WDR27: variants seen among roughly 807,000 people sequenced by gnomAD.
The protein encoded by WDR27 is WD repeat-containing protein 27.
Under a neutral mutation model 114.4 loss-of-function variants are expected in WDR27, and 100 were observed. The ratio of observed to expected loss-of-function variants is 0.87; its 90% CI spans 0.74 to 1.03. The LOEUF is 1.03. Among genes scored for constraint, WDR27 ranks in the 50% least tolerant of loss-of-function variants. The pLI is 0.00. For synonymous variants in WDR27, 449 were observed against 423.1 expected, an observed-to-expected ratio of 1.06 and a Z score of -0.75; for missense variants, 1,129 against 1,092.9, an observed-to-expected ratio of 1.03 and a Z score of -0.47.
downstream of WDR27, among the ~76,000 whole-genome samples, chr6:169,453,169 A>G (rs1784225306): frequency 6.6e-6 from 1 of 152,210 alleles, no homozygotes; most frequent in African/African-American, 2.4e-5. Context: ...AAAACAAAAC[A>G]TCTTCCTCCA....
rs77451257 is a variant in WDR27, at chr6:169,582,954, G to A, written c.2425-20C>T. 2.5e-6 allele frequency: 4 copies of A among 1,610,010 alleles called. No individual in the cohort carries two copies. The African/African-American group carries it at 4.0e-5, about 16-fold the overall frequency. On this transcript the variant is annotated intron_variant, in intron 23 of 25. Coordinates refer to ENST00000448612, the MANE Select transcript of WDR27 (RefSeq NM_182552.5). ...GTAAGCCTACAAGACAAGATGAGCAGGTGTGCCATGTTAACTCAGAGTCAG... is the reference window on the plus strand; with the variant it reads ...GTAAGCCTACAAGACAAGATGAGCAAGTGTGCCATGTTAACTCAGAGTCAG...
chr6:169,434,646 G>A, the WDR27 span, among the ~76,000 whole-genome samples: 1 of 152,134 alleles, frequency 6.6e-6, no homozygotes, highest in East Asian at 1.9e-4. Flanking sequence ...GTGGAACTTT[G>A]AAGTTGAGAG....
chr6:169,444,248 G>A, the WDR27 span, among the ~76,000 whole-genome samples: 1 of 152,116 alleles, frequency 6.6e-6, no homozygotes. Flanking sequence ...TCCATCACCT[G>A]CCCACCCTCT....
At chr6:169,462,500 GA>G (rs1785044962) in intron 25 of WDR27, among the ~76,000 whole-genome samples, 1 of 151,988 alleles carries the variant, frequency 6.6e-6, no homozygotes, top group African/African-American at 2.4e-5. Flanking sequence ...GAGAAAGAAA[GA>G]AAGAAAGAAA....
At chr6:169,569,407 G>A (rs1801009141) in intron 25 of WDR27, among the ~76,000 whole-genome samples, 1 of 152,140 alleles carries the variant, frequency 6.6e-6, no homozygotes, top group South Asian at 2.1e-4. Flanking sequence ...CAGGCAATGA[G>A]TTAAAGTTAC....
At chr6:169,538,173 T>C (rs9478047) in intron 25 of WDR27, among the ~76,000 whole-genome samples, 214 of 152,248 alleles carry the variant, frequency 1.4e-3, no homozygotes, top group African/African-American at 5.0e-3. Context: ...TGTTCAAATT[T>C]GAACATTAAG....
chr6:169,476,683 G>A (rs747617233), intron 25 of WDR27, among the ~76,000 whole-genome samples: 102 of 151,740 alleles, frequency 6.7e-4, no homozygotes, highest in Non-Finnish European at 1.0e-3. Flanking sequence ...TTTTTTTTTA[G>A]TTAAGTTCCT....
rs1818317365 is a variant in WDR27, at chr6:169,638,585, GT to G, written c.1822del (p.Thr608ProfsTer33). 6.2e-7 allele frequency: 1 copy of G among 1,610,156 alleles called. No individual in the cohort carries two copies. Among genetic ancestry groups the G allele is most frequent in the Non-Finnish European group, 8.5e-7 (1 of 1,178,622 alleles). ...CCCACGAGCCGACCACATTCGCAGG[GT>G]CCCGTCCCGGGCCGCAGAGAGCAGC... is the stretch of plus-strand genomic sequence containing the variant. ...RWLLSAARDG[T>X]LRMWSARGAE... On this transcript the variant is annotated frameshift_variant, in exon 18 of 26. Coordinates refer to ENST00000448612, the MANE Select transcript of WDR27 (RefSeq NM_182552.5). LOFTEE classifies it high-confidence loss of function.
chr6:169,619,841 G>C (rs1165626457), intron 21 of WDR27, among the ~76,000 whole-genome samples: 2 of 152,152 alleles, frequency 1.3e-5, no homozygotes, highest in African/African-American at 2.4e-5. Flanking sequence ...GGGAGGGCCT[G>C]GAAGAAAGAG....
At chr6:169,539,508 C>A (rs1796587639) in intron 25 of WDR27, among the ~76,000 whole-genome samples, 1 of 152,064 alleles carries the variant, frequency 6.6e-6, no homozygotes, top group African/African-American at 2.4e-5. Context: ...CACCACCATC[C>A]CTTACTTAAA....
chr6:169,490,962 A>C (rs1192465264), intron 25 of WDR27, among the ~76,000 whole-genome samples: 1 of 152,190 alleles, frequency 6.6e-6, no homozygotes, highest in Non-Finnish European at 1.5e-5. Flanking sequence ...CCCTACTTTC[A>C]GCCATCCGTA....
intron 17 of WDR27, among the ~76,000 whole-genome samples, chr6:169,640,825 CTG>C (rs1483075300): frequency 1.3e-5 from 2 of 152,264 alleles, no homozygotes; most frequent in African/African-American, 4.8e-5. Flanking sequence ...CACTGCCTGG[CTG>C]CAAGAGGCCG....
the WDR27 span, among the ~76,000 whole-genome samples, chr6:169,445,327 A>C: frequency 5.9e-5 from 9 of 152,126 alleles, no homozygotes; most frequent in East Asian, 1.7e-3. Flanking sequence ...TAATAAATAC[A>C]CAGAGGAGAC....
At chr6:169,661,628 G>A (rs919564290) in intron 9 of WDR27, among the ~76,000 whole-genome samples, 2 of 152,268 alleles carry the variant, frequency 1.3e-5, no homozygotes, top group Middle Eastern at 3.4e-3. Flanking sequence ...GGTAAGCCAG[G>A]GAAGCCTCAA....
chr6:169,429,198 TC>T, the WDR27 span, among the ~76,000 whole-genome samples: 3 of 152,126 alleles, frequency 2.0e-5, no homozygotes, highest in Non-Finnish European at 4.4e-5. Flanking sequence ...TTTGGCTTTG[TC>T]CTGTCCACAG....
Position 169,582,883 on chromosome 6 carries a change from G to C in WDR27, c.2476C>G (p.His826Asp). Residue 826 changes from histidine (H) to aspartate (D), a missense_variant, in exon 24 of 26, where the codon CAC becomes GAC. Transcript: ENST00000448612. ...SSTFSHRLAG[H>D]TDTVTGVAFN... ...GCCACTCCAGTGACAGTGTCTGTGT[G>C]CCCAGCCAGCCGGTGAGAAAACGTG... The C allele has an allele frequency of 6.2e-7, 1 of 1,613,894 alleles. No individual in the cohort carries two copies. The highest frequency in any genetic ancestry group is 1.6e-4 in the Middle Eastern group (1 of 6,062).
chr6:169,442,514 C>A, the WDR27 span, among the ~76,000 whole-genome samples: 1 of 152,134 alleles, frequency 6.6e-6, no homozygotes, highest in Admixed American at 6.5e-5. Context: ...TCCTTATTTC[C>A]TTAAGATCTT....
chr6:169,485,890 T>C (rs1441709870), intron 25 of WDR27, among the ~76,000 whole-genome samples: 2 of 152,186 alleles, frequency 1.3e-5, no homozygotes, highest in Non-Finnish European at 1.5e-5. Context: ...CCATTATCCT[T>C]AGCAAACTAA....
chr6:169,583,468 TGTGTGTGTGTGTATATATAC>T (rs1803874540), intron 23 of WDR27, among the ~76,000 whole-genome samples: 1 of 19,498 alleles, frequency 5.1e-5, no homozygotes, highest in South Asian at 3.1e-3. Context: ...TTTAATTGTG[TGTGTGTGTGTGTATATATAC>T]ATATATATAT....
Sources: allele counts gnomAD v4.1 joint callset (sites outside exome capture counted in the v4.1 genomes callset), GRCh38; gene constraint gnomAD v4.1.1; transcripts MANE v1.5; gene names NCBI Gene and HGNC (gene_info 2026-07-23, HGNC 2026-07-21).